Variants in SASS6 observed in about 807,000 individuals in gnomAD.
The protein encoded by SASS6 is spindle assembly abnormal protein 6 homolog.
A neutral mutation model predicts 94.9 loss-of-function variants in SASS6; 59 were observed. The observed-to-expected ratio is 0.62, with a 90% CI of 0.50 to 0.77. The LOEUF (loss-of-function observed/expected upper bound fraction) is 0.77. SASS6 is among the 30% of genes least tolerant of loss of function. The pLI, the probability that SASS6 is intolerant of heterozygous loss-of-function variation, is 0.00. For missense variants in SASS6, 698 were observed against 734.1 expected, an observed-to-expected ratio of 0.95 and a Z score of 0.57; for synonymous variants, 264 against 270.0, an observed-to-expected ratio of 0.98 and a Z score of 0.22.
chr1:100,120,931 T>C (rs1022966986), intron 5 of SASS6, among the ~76,000 whole-genome samples: 3 of 149,796 alleles, frequency 2.0e-5, no homozygotes, highest in Admixed American at 2.0e-4. Context: ...GCGCCTGTAG[T>C]CCCAGCTAGT....
At chr1:100,126,002 C>T in intron 1 of SASS6, 60 bp from the exon 2 acceptor site, 1 of 845,788 alleles carries the variant, frequency 1.2e-6, no homozygotes, top group South Asian at 1.6e-5. Flanking sequence ...TTATCACTAT[C>T]ATTTGTATTA....
chr1:100,088,012 C>A, intron 15 of SASS6, 127 bp downstream of exon 15: 1 of 498,268 alleles, frequency 2.0e-6, no homozygotes, highest in South Asian at 3.4e-5. Flanking sequence ...ACTTAAATTC[C>A]AATGATCAGT....
intron 2 of SASS6, among the ~76,000 whole-genome samples, chr1:100,123,886 A>C (rs1271248066): frequency 2.6e-5 from 4 of 152,214 alleles, no homozygotes; most frequent in Non-Finnish European, 5.9e-5. Flanking sequence ...CATAAAGATC[A>C]CTTTCCAGGT....
chr1:100,117,750 T>C (rs1168677131), intron 7 of SASS6, among the ~76,000 whole-genome samples: 1 of 135,464 alleles, frequency 7.4e-6, no homozygotes, highest in Non-Finnish European at 1.6e-5. Context: ...AAAAGTTATA[T>C]TAAAAGATGC....
intron 14 of SASS6, among the ~76,000 whole-genome samples, chr1:100,101,347 C>G (rs1056627840): frequency 3.3e-5 from 5 of 150,388 alleles, no homozygotes; most frequent in African/African-American, 9.8e-5. Context: ...TTTTTTTTCC[C>G]TGTTAGGGAT....
At chr1:100,122,848 G>A (rs1302414851) in intron 3 of SASS6, among the ~76,000 whole-genome samples, 1 of 152,034 alleles carries the variant, frequency 6.6e-6, no homozygotes, top group Non-Finnish European at 1.5e-5. Flanking sequence ...ACCGTGCCTG[G>A]CCAATTACTA....
At chr1:100,122,555 T>A (rs1311153926) in intron 3 of SASS6, 71 bp from the exon 4 acceptor site, 1 of 570,896 alleles carries the variant, frequency 1.8e-6, no homozygotes, top group Non-Finnish European at 2.9e-6. Context: ...GTGCCTTTTT[T>A]TTTTTTTTTT....
chr1:100,107,242 T>C (rs375355304), intron 11 of SASS6, 132 bp downstream of exon 11: 62 of 637,772 alleles, frequency 9.7e-5, no homozygotes, highest in East Asian at 8.3e-4. Flanking sequence ...TATTACCATC[T>C]ACTCAATCTA....
At position 100,105,617 on chromosome 1, in the gene SASS6, G is replaced by A. The variant is rs1054151624; in HGVS notation, c.1545+150C>T. 21 of 657,472 alleles carry A rather than the reference G, an allele frequency of 3.2e-5. No individual in the cohort carries two copies. The African/African-American group carries it at 3.6e-4, about 11-fold the overall frequency. 40.7% of individuals were successfully genotyped at this position (657,472 alleles called of 1,614,324 possible). A position where few individuals can be genotyped will look rare whatever the true frequency, so the allele number is the denominator to read the frequency against. On this transcript the variant is annotated intron_variant, in intron 13 of 16. Transcript: ENST00000287482. The stretch of plus-strand genomic sequence containing the variant: ...AAGTGTGCCTTTGTTCCACTTCCAG[G>A]GGCAACTTAAACTCTATTTCAGTGC...
At chr1:100,091,630 TAAAA>T (rs57639570) in intron 14 of SASS6, among the ~76,000 whole-genome samples, 1,095 of 83,036 alleles carry the variant, frequency 0.013, 6 homozygotes, top group Non-Finnish European at 0.02. Flanking sequence ...AAAGTCTCAT[TAAAA>T]AAAAAAAAAA....
intron 1 of SASS6, among the ~76,000 whole-genome samples, chr1:100,128,895 T>G (rs72971889): frequency 6.6e-6 from 1 of 152,176 alleles, no homozygotes; most frequent in African/African-American, 2.4e-5. Context: ...AAATAAAAGG[T>G]ACTTTAAGCC....
In SASS6 at chr1:100,110,358, G is replaced by C. The variant is rs368784573; in HGVS notation, c.795C>G (p.Thr265=). The C allele has an allele frequency of 2.3e-5, 37 of 1,607,200 alleles. No individual in the cohort carries two copies. Among genetic ancestry groups the C allele is most frequent in the African/African-American group, 4.0e-5 (3 of 74,616 alleles). Residue 265 remains threonine, a synonymous_variant, in exon 8 of 17, where the codon ACC becomes ACG. Transcript: ENST00000287482. The part of the protein sequence containing the change: ...SELEAANKDL[T]ERKYKGDSTI... ...TGGAGTCTCCTTTATATTTTCTTTCGGTTAAGTCTTTATTAGCCGCTTCTA... is the reference window on the plus strand; with the variant it reads ...TGGAGTCTCCTTTATATTTTCTTTCCGTTAAGTCTTTATTAGCCGCTTCTA...
At chr1:100,118,592 A>C (rs959122203) in intron 7 of SASS6, among the ~76,000 whole-genome samples, 1 of 152,208 alleles carries the variant, frequency 6.6e-6, no homozygotes. Context: ...AGTTAAACCC[A>C]AAAAATGAAT....
chr1:100,086,266 T>C (rs567191552), intron 15 of SASS6, among the ~76,000 whole-genome samples: 6 of 152,244 alleles, frequency 3.9e-5, no homozygotes, highest in East Asian at 1.9e-4. Flanking sequence ...TAAAATTAAA[T>C]GATGGTTGCT....
At chr1:100,089,922 A>T (rs1651560989) in intron 14 of SASS6, among the ~76,000 whole-genome samples, 1 of 152,042 alleles carries the variant, frequency 6.6e-6, no homozygotes, top group Admixed American at 6.5e-5. Flanking sequence ...AGTAGAGCTT[A>T]TAACAAAGAT....
At position 100,125,936 on chromosome 1, in the gene SASS6, T is replaced by C. The variant is rs1246960795; in HGVS notation, c.72A>G (p.Val24=). 1 of 1,518,684 alleles carries C rather than the reference T, an allele frequency of 6.6e-7. No homozygotes were observed. The highest frequency in any genetic ancestry group is 2.3e-5 in the East Asian group (1 of 42,818). 94.1% of individuals were successfully genotyped at this position (1,518,684 alleles called of 1,614,324 possible). ...VKCKDCEERR[V]SIRMSIELQS... is the part of the protein sequence containing the mutation. ...GTAGTTCAATGCTCATTCTTATACT[T>C]ACTCTCCTGTAGGAAAAGACATACC... The change falls in exon 2 of 17, where the codon GTA becomes GTG. Residue 24 remains valine (V), a synonymous_variant. Transcript: ENST00000287482.
chr1:100,108,115 A>G (rs1653048914), intron 8 of SASS6, 111 bp from the exon 9 acceptor site: 3 of 594,542 alleles, frequency 5.0e-6, no homozygotes, highest in African/African-American at 1.9e-5. Context: ...TAATAATTTT[A>G]AAGTTTTAGT....
Position 100,085,528 on chromosome 1 carries a change from C to A in SASS6, c.1867+8G>T. On this transcript the variant is annotated splice_region_variant and intron_variant, in intron 16 of 16. Transcript: ENST00000287482. The stretch of plus-strand genomic sequence containing the variant: ...ATAAAGTACAAAAATCCAGAAATCC[C>A]TGCTTACCTGAATTACTAAATAGGT... The A allele has an allele frequency of 6.2e-7, 1 of 1,604,508 alleles. No individual in the cohort carries two copies. The highest frequency in any genetic ancestry group is 1.1e-5 in the South Asian group (1 of 90,750).
intron 15 of SASS6, among the ~76,000 whole-genome samples, chr1:100,086,567 C>G (rs1346613629): frequency 6.7e-6 from 1 of 149,102 alleles, no homozygotes; most frequent in East Asian, 2.0e-4. Flanking sequence ...GTTTGGAGTG[C>G]AGTGATGTGA....
Sources: gnomAD v4.1 joint callset for allele counts (sites outside exome capture counted in the v4.1 genomes callset) on GRCh38, gnomAD v4.1.1 for gene constraint, MANE v1.5 for transcripts, NCBI Gene and HGNC (gene_info 2026-07-23, HGNC 2026-07-21) for gene names.